The following ASTN2 variants were observed in gnomAD, a reference collection of about 807,000 sequenced individuals.
ASTN2 encodes astrotactin 2.
Under a neutral mutation model 139.8 loss-of-function variants are expected in ASTN2, and 54 were observed. The ratio of observed to expected loss-of-function variants is 0.39; its 90% CI spans 0.31 to 0.48. ASTN2 has a LOEUF of 0.48. ASTN2 is among the 20% of genes least tolerant of loss of function. The probability of loss-of-function intolerance (pLI) is 0.95; values close to 1 mark genes in which losing one functional copy is unlikely to be tolerated. For synonymous variants in ASTN2, 756 were observed against 719.5 expected (o/e 1.05, Z -0.81); for missense variants, 1,565 against 1,725.1 (o/e 0.91, Z 1.64).
chr9:117,140,310 G>A (rs1830043477), intron 4 of ASTN2, among the ~76,000 whole-genome samples: 2 of 152,112 alleles, frequency 1.3e-5, no homozygotes, highest in African/African-American at 4.8e-5. Flanking sequence ...CTGAACATGT[G>A]TGAAGGTGCT....
chr9:116,675,846 A>G (rs2132002521), intron 16 of ASTN2, among the ~76,000 whole-genome samples: 1 of 152,272 alleles, frequency 6.6e-6, no homozygotes, highest in East Asian at 1.9e-4. Flanking sequence ...TGCCATTTAG[A>G]GGTCATGCCT....
At chr9:116,571,844 GC>G (rs1396367025) in intron 19 of ASTN2, among the ~76,000 whole-genome samples, 1 of 152,070 alleles carries the variant, frequency 6.6e-6, no homozygotes, top group African/African-American at 2.4e-5. Context: ...TTTGTTATCT[GC>G]CTTTCGTTGG....
rs73534063 is a variant in ASTN2 at position 116,948,656 on chromosome 9, C to A, written c.1889+26552G>T. 8.9e-3 allele frequency among the ~76,000 whole-genome samples: 1,327 copies of A among 149,890 alleles called. 27 individuals are homozygous for A. Among genetic ancestry groups the A allele is most frequent in the African/African-American group, 0.031 (1,257 of 40,664 alleles). Reference sequence around the variant, plus strand: ...GGGTTGGGGTAAGGAGGGTTGCTGTCCTTGAGCCCTTTCAGTAGATAGAGT... The same window carrying A: ...GGGTTGGGGTAAGGAGGGTTGCTGTACTTGAGCCCTTTCAGTAGATAGAGT... On this transcript the variant is annotated intron_variant, in intron 10 of 22. Coordinates refer to ENST00000313400, the MANE Select transcript of ASTN2 (RefSeq NM_001365068.1).
At chr9:117,009,607 T>C (rs1837456141) in intron 6 of ASTN2, among the ~76,000 whole-genome samples, 1 of 152,194 alleles carries the variant, frequency 6.6e-6, no homozygotes, top group African/African-American at 2.4e-5. Context: ...ATCTAGAGAC[T>C]GCAGCAGCAG....
intron 16 of ASTN2, among the ~76,000 whole-genome samples, chr9:116,656,915 T>C (rs1588149271): frequency 6.6e-6 from 1 of 152,008 alleles, no homozygotes. Flanking sequence ...TGGCAATAGG[T>C]TTGCACTTGA....
chr9:116,428,218 G>A (rs1847370179), intron 22 of ASTN2, among the ~76,000 whole-genome samples: 1 of 152,192 alleles, frequency 6.6e-6, no homozygotes, highest in Admixed American at 6.5e-5. Context: ...AAATGAATAG[G>A]AGTTAGATAA....
intron 13 of ASTN2, among the ~76,000 whole-genome samples, chr9:116,782,395 T>G (rs1830243044): frequency 1.3e-5 from 2 of 152,212 alleles, no homozygotes; most frequent in Admixed American, 1.3e-4. Flanking sequence ...GAACTCTGTC[T>G]TTTCAAGTGA....
intron 5 of ASTN2, among the ~76,000 whole-genome samples, chr9:117,045,899 T>C (rs902677411): frequency 6.6e-6 from 1 of 151,844 alleles, no homozygotes; most frequent in Non-Finnish European, 1.5e-5. Context: ...GACATTAGGG[T>C]GAAGAAGCCC....
intron 19 of ASTN2, among the ~76,000 whole-genome samples, chr9:116,497,042 C>G (rs967193053): frequency 2.6e-5 from 4 of 152,140 alleles, no homozygotes; most frequent in Non-Finnish European, 5.9e-5. Flanking sequence ...TTTCCCCACA[C>G]TTTTTTAAAG....
intron 1 of ASTN2, among the ~76,000 whole-genome samples, chr9:117,409,978 G>A (rs1293375059): frequency 2.0e-5 from 3 of 152,088 alleles, no homozygotes; most frequent in Non-Finnish European, 4.4e-5. Context: ...CTTTGGGATG[G>A]TCCTTTGGGA....
chr9:116,554,884 A>C (rs573248934), intron 19 of ASTN2, among the ~76,000 whole-genome samples: 7 of 152,148 alleles, frequency 4.6e-5, no homozygotes, highest in Non-Finnish European at 1.0e-4. Flanking sequence ...ATAATATCCC[A>C]GGTATGGCAA....
intron 11 of ASTN2, among the ~76,000 whole-genome samples, chr9:116,861,213 CT>C (rs1832870390): frequency 2.5e-5 from 2 of 80,386 alleles, no homozygotes; most frequent in Admixed American, 1.4e-4. Context: ...CAAGCCCAAG[CT>C]ACACACACAC....
chr9:117,076,306 G>C (rs1587936730), intron 5 of ASTN2, among the ~76,000 whole-genome samples: 1 of 152,040 alleles, frequency 6.6e-6, no homozygotes. Flanking sequence ...CAGACAGAGG[G>C]GACTGCGTGA....
At chr9:117,043,101 C>G (rs1433940002) in intron 5 of ASTN2, among the ~76,000 whole-genome samples, 1 of 152,100 alleles carries the variant, frequency 6.6e-6, no homozygotes, top group East Asian at 1.9e-4. Context: ...GAACTCCTGA[C>G]CTCAGGTGAT....
intron 20 of ASTN2, among the ~76,000 whole-genome samples, chr9:116,462,668 T>C (rs1304597215): frequency 6.6e-6 from 1 of 152,156 alleles, no homozygotes; most frequent in African/African-American, 2.4e-5. Flanking sequence ...GGTTTGGTGA[T>C]AATATAGGAA....
At chr9:117,105,358 G>C (rs933138133) in intron 4 of ASTN2, among the ~76,000 whole-genome samples, 1 of 152,142 alleles carries the variant, frequency 6.6e-6, no homozygotes, top group Non-Finnish European at 1.5e-5. Flanking sequence ...GAAAGGCTAT[G>C]TGTAAGTGGT....
chr9:116,662,879 A>G (rs1397218969), intron 16 of ASTN2, among the ~76,000 whole-genome samples: 2 of 152,206 alleles, frequency 1.3e-5, no homozygotes, highest in African/African-American at 4.8e-5. Context: ...TATACAGCTG[A>G]AAAAACAGAG....
intron 11 of ASTN2, among the ~76,000 whole-genome samples, chr9:116,857,236 T>TAGGTGATAATTATAGGC (rs773511722): frequency 5.9e-5 from 9 of 152,154 alleles, no homozygotes; most frequent in Non-Finnish European, 1.0e-4. Flanking sequence ...TAGTTCCGGG[T>TAGGTGATAATTATAGGC]AGGTGATAAT....
At chr9:116,489,086 C>T (rs1267992113) in intron 19 of ASTN2, among the ~76,000 whole-genome samples, 1 of 152,130 alleles carries the variant, frequency 6.6e-6, no homozygotes, top group African/African-American at 2.4e-5. Context: ...TCATGTACAG[C>T]CCCACTAATA....
Sources: allele counts gnomAD v4.1 joint callset (sites outside exome capture counted in the v4.1 genomes callset), GRCh38; gene constraint gnomAD v4.1.1; transcripts MANE v1.5; gene names NCBI Gene and HGNC (gene_info 2026-07-23, HGNC 2026-07-21).